Variants in MDN1 observed in about 807,000 individuals in gnomAD.
The protein encoded by MDN1 is midasin AAA ATPase 1.
In MDN1, 266 loss-of-function variants were observed where a neutral mutation model predicts 669.2. The observed-to-expected ratio is 0.40, with a 90% CI of 0.36 to 0.44. The LOEUF (loss-of-function observed/expected upper bound fraction) is 0.44. Among genes scored for constraint, MDN1 ranks in the 20% least tolerant of loss-of-function variants. The pLI is 1.00. For missense variants in MDN1, 5,940 were observed against 6,754.0 expected (o/e 0.88, Z 4.22); for synonymous variants, 2,385 against 2,457.1 (o/e 0.97, Z 0.87).
intron 31 of MDN1, among the ~76,000 whole-genome samples, chr6:89,741,984 C>A (rs1816320864): frequency 6.6e-6 from 1 of 151,780 alleles, no homozygotes; most frequent in Non-Finnish European, 1.5e-5. Flanking sequence ...GCCTGTAGTC[C>A]CAGCTACACA....
intron 12 of MDN1, among the ~76,000 whole-genome samples, chr6:89,775,129 A>G (rs906606970): frequency 1.3e-5 from 2 of 152,206 alleles, no homozygotes; most frequent in African/African-American, 2.4e-5. Context: ...ACATCTGACT[A>G]CAGCCAAAGC....
chr6:89,816,601 T>A (rs1768852801), intron 1 of MDN1, among the ~76,000 whole-genome samples: 1 of 151,758 alleles, frequency 6.6e-6, no homozygotes, highest in Non-Finnish European at 1.5e-5. Context: ...ACATTTGCAA[T>A]CTGTTCTCTC....
intron 40 of MDN1, among the ~76,000 whole-genome samples, chr6:89,721,395 C>T (rs1247026107): frequency 6.6e-6 from 1 of 152,160 alleles, no homozygotes; most frequent in African/African-American, 2.4e-5. Flanking sequence ...AACGGTTCTG[C>T]TCCTGGTAAC....
At position 89,692,396 on chromosome 6, in the gene MDN1, C is replaced by T. The variant is rs753697716; in HGVS notation, c.10587+47G>A. On this transcript the variant is annotated intron_variant, in intron 63 of 101. Coordinates refer to ENST00000369393, the MANE Select transcript of MDN1 (RefSeq NM_014611.3). ...GCAGGCCGCCCTGCTGTGAACCTGG[C>T]TCTCTGCAGGAGGAAGGGCAGGGCA... 3.9e-6 allele frequency: 6 copies of T among 1,533,890 alleles called. No homozygotes were observed. In the Admixed American group the frequency reaches 1.1e-4, roughly 29 times the overall value.
At chr6:89,729,801 C>T (rs1815479308) in intron 35 of MDN1, among the ~76,000 whole-genome samples, 1 of 148,308 alleles carries the variant, frequency 6.7e-6, no homozygotes, top group South Asian at 2.2e-4. Context: ...GCATGTATCT[C>T]CTACACAGGA....
intron 40 of MDN1, among the ~76,000 whole-genome samples, chr6:89,719,736 A>G (rs1238813833): frequency 6.6e-6 from 1 of 152,244 alleles, no homozygotes; most frequent in Non-Finnish European, 1.5e-5. Flanking sequence ...AGCACTCACA[A>G]GAGTTATAGA....
At chr6:89,748,257 C>T (rs2128318416) in intron 26 of MDN1, among the ~76,000 whole-genome samples, 1 of 151,684 alleles carries the variant, frequency 6.6e-6, no homozygotes, top group South Asian at 2.1e-4. Context: ...ACCCGGGAGG[C>T]GGAGGTTGCA....
At chr6:89,712,296 A>G (rs751290219) in intron 48 of MDN1, 40 bp from the exon 49 acceptor site, 1 of 1,509,544 alleles carries the variant, frequency 6.6e-7, no homozygotes, top group Non-Finnish European at 9.1e-7. Context: ...TACTAGAATA[A>G]CCTTTTATTT....
At chr6:89,740,123 C>T in intron 32 of MDN1, 111 bp downstream of exon 32, 2 of 1,262,740 alleles carry the variant, frequency 1.6e-6, no homozygotes, top group East Asian at 2.7e-5. Context: ...ACTTTTTACC[C>T]ACTTTTTACC....
Position 89,772,726 on chromosome 6 carries a change from G to A in MDN1, c.1935-5C>T, listed in dbSNP as rs1335292288. The A allele has an allele frequency of 1.9e-6, 3 of 1,610,458 alleles. No individual in the cohort carries two copies. Among genetic ancestry groups the A allele is most frequent in the East Asian group, 4.5e-5 (2 of 44,856 alleles). ...GCAGCGAAAGTGAACTTCTCCCTGG[G>A]AAGGAGAAAAAAAGAGTTTAAAAAC... On this transcript the variant is annotated splice_region_variant and splice_polypyrimidine_tract_variant and intron_variant, in intron 13 of 101. Transcript: ENST00000369393.
At chr6:89,752,254 G>C (rs1484919257) in intron 22 of MDN1, among the ~76,000 whole-genome samples, 2 of 152,220 alleles carry the variant, frequency 1.3e-5, no homozygotes, top group Admixed American at 6.5e-5. Context: ...GAAGCAATAG[G>C]GGGAGGGGAG....
At chr6:89,759,205 T>C (rs2128320329) in intron 17 of MDN1, among the ~76,000 whole-genome samples, 1 of 152,286 alleles carries the variant, frequency 6.6e-6, no homozygotes, top group South Asian at 2.1e-4. Flanking sequence ...ATCCTCTCAT[T>C]ATGTGGATGG....
chr6:89,712,500 TTG>T (rs1814011747), intron 48 of MDN1, 73 bp downstream of exon 48: 3 of 1,421,298 alleles, frequency 2.1e-6, no homozygotes, highest in East Asian at 4.6e-5. Context: ...GTTAAATATA[TTG>T]TGTCCTGACC....
intron 55 of MDN1, 139 bp downstream of exon 55, chr6:89,701,419 C>G (rs1262445956): frequency 2.7e-6 from 3 of 1,122,446 alleles, no homozygotes; most frequent in Non-Finnish European, 3.8e-6. Context: ...CCAATCACCC[C>G]CAGATGCCAA....
chr6:89,644,974 C>T, intron 101 of MDN1, 41 bp downstream of exon 101: 1 of 1,561,422 alleles, frequency 6.4e-7, no homozygotes, highest in Admixed American at 1.7e-5. Context: ...AGGGAATCCC[C>T]ACTTTACCTC....
At position 89,692,532 on chromosome 6, in the gene MDN1, T is replaced by C. The variant is rs764050888; in HGVS notation, c.10498A>G (p.Met3500Val). 58 of 1,614,104 alleles carry C rather than the reference T, an allele frequency of 3.6e-5. No homozygotes were observed. The highest frequency in any genetic ancestry group is 4.5e-5 in the Non-Finnish European group (53 of 1,180,046). The change falls in exon 63 of 102, where the codon ATG (methionine) becomes GTG (valine). Residue 3500 changes from methionine (M) to valine (V), a missense_variant. By Grantham distance (21) the Met-to-Val change is conservative. Transcript: ENST00000369393. ...GAGCGCAGGTAAAGGAGAGCATTCA[T>C]CAGCAGCTGCTCCCGAGTGGGACAG... The part of the protein sequence containing the change: ...KACPTREQLL[M>V]NALLYLRSHV...
intron 61 of MDN1, among the ~76,000 whole-genome samples, chr6:89,694,406 T>C (rs1287193193): frequency 6.6e-6 from 1 of 152,240 alleles, no homozygotes; most frequent in Non-Finnish European, 1.5e-5. Flanking sequence ...GTCTCTCTGC[T>C]ATAGGAGCTT....
chr6:89,646,495 T>A, intron 100 of MDN1, 45 bp downstream of exon 100: 1 of 1,557,504 alleles, frequency 6.4e-7, no homozygotes, highest in Non-Finnish European at 8.9e-7. Flanking sequence ...GAATATAGAG[T>A]ACAAGAAAGC....
At chr6:89,729,688 T>G (rs1815462883) in intron 35 of MDN1, among the ~76,000 whole-genome samples, 1 of 148,766 alleles carries the variant, frequency 6.7e-6, no homozygotes, top group African/African-American at 2.5e-5. Flanking sequence ...TTTTTTTTTT[T>G]TTTTTTTTTT....
Sources: allele counts gnomAD v4.1 joint callset (sites outside exome capture counted in the v4.1 genomes callset), GRCh38; gene constraint gnomAD v4.1.1; transcripts MANE v1.5; gene names NCBI Gene and HGNC (gene_info 2026-07-23, HGNC 2026-07-21).